CLCN2: variants seen among roughly 807,000 people sequenced by gnomAD.
CLCN2 encodes chloride voltage-gated channel 2, also known as chloride channel protein 2.
Under a neutral mutation model 108.3 loss-of-function variants are expected in CLCN2, and 72 were observed. The observed-to-expected ratio is 0.66, with a 90% CI of 0.55 to 0.81. The LOEUF (loss-of-function observed/expected upper bound fraction) is 0.81, where lower values mean the gene tolerates loss of function less well. CLCN2 is among the 30% of genes least tolerant of loss of function. The probability of loss-of-function intolerance (pLI) is 0.00; values close to 1 mark genes in which losing one functional copy is unlikely to be tolerated. For missense variants in CLCN2, 1,048 were observed against 1,205.2 expected, an observed-to-expected ratio of 0.87 and a Z score of 1.93; for synonymous variants, 471 against 467.1, an observed-to-expected ratio of 1.01 and a Z score of -0.11.
chr3:184,358,559 G>C, intron 3 of CLCN2, 123 bp downstream of exon 3: 1 of 1,362,188 alleles, frequency 7.3e-7, no homozygotes, highest in Non-Finnish European at 1.0e-6. Flanking sequence ...TGGGCAGTCA[G>C]ACTGGCTGGG....
chr3:184,359,076 C>T lies in CLCN2; in HGVS notation c.119G>A (p.Arg40Gln), dbSNP rs767116666. The T allele has an allele frequency of 5.6e-6, 9 of 1,613,704 alleles. No individual in the cohort carries two copies. Among genetic ancestry groups the T allele is most frequent in the South Asian group, 4.4e-5 (4 of 91,088 alleles). Residue 40 changes from arginine (R) to glutamine (Q), a missense_variant, in exon 2 of 24, where the codon CGG becomes CAG. Transcript: ENST00000265593. ...GGGTTCAGGCCCTCCCAGGCGAATC[C>T]GAGCAGCTTCCTCTTTGGCAAAGGC... The part of the protein sequence containing the change: ...LGAFAKEEAA[R>Q]IRLGGPEPWK...
Position 184,353,147 on chromosome 3 carries a change from C to T in CLCN2, c.2029G>A (p.Val677Met), listed in dbSNP as rs769413891. 1.2e-6 allele frequency: 2 copies of T among 1,614,158 alleles called. No individual in the cohort carries two copies. The highest frequency in any genetic ancestry group is 1.7e-6 in the Non-Finnish European group (2 of 1,179,982). The change falls in exon 18 of 24, where the codon GTG (valine) becomes ATG (methionine). Residue 677 changes from valine to methionine, a missense_variant and splice_region_variant. Physicochemically the swap from Val to Met is conservative, Grantham distance 21. Coordinates refer to ENST00000265593, the MANE Select transcript of CLCN2 (RefSeq NM_004366.6). Reference sequence around the variant, plus strand: ...GGGAAGGCTGAGTCTTCTGTGTTCACCTGCATAGGCAGGAAGGGGCTGGTG... The same window carrying T: ...GGGAAGGCTGAGTCTTCTGTGTTCATCTGCATAGGCAGGAAGGGGCTGGTG... ...PTPEASVCFQ[V>M]NTEDSAFPAA...
rs189219270 is a variant in CLCN2, at chr3:184,346,741, G to A, written c.2562C>T (p.Leu854=). 5.0e-6 allele frequency: 8 copies of A among 1,614,172 alleles called. No individual in the cohort carries two copies. In the East Asian group the frequency reaches 6.7e-5, roughly 13 times the overall value. The change falls in exon 24 of 24, where the codon CTC becomes CTT. Residue 854 remains leucine, a synonymous_variant. Transcript: ENST00000265593. The surrounding 1 kb of genome is among the most constrained non-coding windows in gnomAD (Gnocchi z 6.0). ...TAQGVKVRPP[L]ASFRDSATSS... is the part of the protein sequence containing the mutation. ...TGGTGGCACTGTCTCGGAAGCTGGC[G>A]AGGGGCGGCCGGACTTTCACACCCT...
At chr3:184,352,265 CAG>C (rs763027706) in intron 21 of CLCN2, 26 bp downstream of exon 21, 1 of 1,613,364 alleles carries the variant, frequency 6.2e-7, no homozygotes, top group South Asian at 1.1e-5. Flanking sequence ...CAGGAAGAAA[CAG>C]GGTCCAGAGT....
intron 21 of CLCN2, 22 bp downstream of exon 21, chr3:184,352,271 C>T: frequency 6.2e-7 from 1 of 1,613,372 alleles, no homozygotes; most frequent in Non-Finnish European, 8.5e-7. Context: ...GAAACAGGGT[C>T]CAGAGTCCAG....
At chr3:184,356,218 G>A in intron 10 of CLCN2, 1 of 261,598 alleles carries the variant, frequency 3.8e-6, no homozygotes, top group South Asian at 4.4e-5. Flanking sequence ...TTGACCAGAG[G>A]TGCGTAGGGA....
intron 22 of CLCN2, chr3:184,347,290 C>A: frequency 2.0e-6 from 1 of 511,414 alleles, no homozygotes. Flanking sequence ...TTCTTAGTCC[C>A]ATGTTAGAAA....
In CLCN2 at chr3:184,353,101, T is replaced by C. The variant is rs903019480; in HGVS notation, c.2075A>G (p.His692Arg). 6.2e-6 allele frequency: 10 copies of C among 1,614,000 alleles called. No individual in the cohort carries two copies. The Admixed American group carries it at 1.5e-4, about 24-fold the overall frequency. The change falls in exon 18 of 24, where the codon CAC (histidine) becomes CGC (arginine). Residue 692 changes from histidine (H) to arginine (R), a missense_variant. His to Arg is a conservative substitution (Grantham distance 29). Coordinates refer to ENST00000265593, the MANE Select transcript of CLCN2 (RefSeq NM_004366.6). Reference protein sequence around the residue: ...SAFPAARGETHKPLKPALKRG... With the variant: ...SAFPAARGETRKPLKPALKRG... The stretch of plus-strand genomic sequence containing the variant: ...CTTGAGTGCAGGCTTTAGGGGCTTG[T>C]GGGTCTCCCCCCGGGCTGCTGGGAA...
Position 184,354,092 on chromosome 3 carries a change from C to T in CLCN2, c.1721+9G>A. 6.2e-7 allele frequency: 1 copy of T among 1,611,072 alleles called. No homozygotes were observed. The highest frequency in any genetic ancestry group is 1.7e-5 in the Admixed American group (1 of 59,744). On this transcript the variant is annotated intron_variant, in intron 15 of 23. Transcript: ENST00000265593. ...ACCCACAGCCCCCTTGGCACCCAGC[C>T]CTCCGTACTGGTGGCGGCCCCAGCC...
In CLCN2 at chr3:184,358,702, G is replaced by A. The variant is rs1439459140; in HGVS notation, c.332C>T (p.Ala111Val). Residue 111 changes from alanine to valine, a missense_variant, in exon 3 of 24, where the codon GCC (alanine) becomes GTC (valine). Transcript: ENST00000265593. Reference sequence around the variant, plus strand: ...CTCACCTTGCAGACAGGCAGCAATGGCATAGTCCATGACCCAGCTGACCAA... The same window carrying A: ...CTCACCTTGCAGACAGGCAGCAATGACATAGTCCATGACCCAGCTGACCAA... ...MALVSWVMDY[A>V]IAACLQAQQW... The A allele has an allele frequency of 1.3e-6, 2 of 1,582,500 alleles. No homozygotes were observed. The highest frequency in any genetic ancestry group is 1.7e-6 in the Non-Finnish European group (2 of 1,162,906).
intron 22 of CLCN2, 42 bp downstream of exon 22, chr3:184,351,971 C>T: frequency 6.9e-7 from 1 of 1,441,750 alleles, no homozygotes; most frequent in South Asian, 1.1e-5. Context: ...CCACTGTGTC[C>T]TGAGAGCCTA....
intron 1 of CLCN2, 24 bp from the exon 2 acceptor site, chr3:184,359,155 G>A: frequency 1.2e-6 from 2 of 1,613,432 alleles, no homozygotes; most frequent in Non-Finnish European, 1.7e-6. Flanking sequence ...GGGGATGGGG[G>A]CATTCGAGGT....
At position 184,353,387 on chromosome 3, in the gene CLCN2, G is replaced by C; in HGVS notation, c.1891C>G (p.Gln631Glu). 1 of 1,612,582 alleles carries C rather than the reference G, an allele frequency of 6.2e-7. No homozygotes were observed. Among genetic ancestry groups the C allele is most frequent in the Non-Finnish European group, 8.5e-7 (1 of 1,179,662 alleles). The change falls in exon 17 of 24, where the codon CAG becomes GAG. Residue 631 changes from glutamine to glutamate, a missense_variant. By Grantham distance (29) the Gln-to-Glu change is conservative. Coordinates refer to ENST00000265593, the MANE Select transcript of CLCN2 (RefSeq NM_004366.6). ...TGGGCCCCCAACAATGCCACCACCT[G>C]TGAACGCTCGATGGAGCCCAGCAGA... ...MILLGSIERS[Q>E]VVALLGAQLS...
chr3:184,353,355 G>A lies in CLCN2; in HGVS notation c.1923C>T (p.Ser641=), dbSNP rs970902864. The A allele has an allele frequency of 3.7e-6, 6 of 1,612,824 alleles. No individual in the cohort carries two copies. The highest frequency in any genetic ancestry group is 2.7e-5 in the African/African-American group (2 of 74,932). The change falls in exon 17 of 24, where the codon AGC becomes AGT. Residue 641 remains serine (S), a synonymous_variant. Transcript: ENST00000265593. The part of the protein sequence containing the change: ...QVVALLGAQL[S]PARRRQHMQE... ...GCATGTGCTGCCGCCGGCGGGCTGG[G>A]CTCAGCTGGGCCCCCAACAATGCCA...
chr3:184,358,948 G>A, intron 2 of CLCN2, 27 bp downstream of exon 2: 1 of 1,613,450 alleles, frequency 6.2e-7, no homozygotes, highest in South Asian at 1.1e-5. Flanking sequence ...GCACAGCCAG[G>A]TCCCCTGCCC....
At position 184,355,930 on chromosome 3, in the gene CLCN2, C is replaced by T; in HGVS notation, c.1086-152G>A. Reference sequence around the variant, plus strand: ...CCTTTGCTGTTTATGATACGATAGCCCCAAGGCTGATGGTGGACTGGGGTT... The same window carrying T: ...CCTTTGCTGTTTATGATACGATAGCTCCAAGGCTGATGGTGGACTGGGGTT... On this transcript the variant is annotated intron_variant, in intron 10 of 23. Transcript: ENST00000265593. The surrounding 1 kb of genome is among the most constrained non-coding windows in gnomAD (Gnocchi z 6.3). 1.4e-6 allele frequency: 1 copy of T among 707,790 alleles called. No homozygotes were observed. The highest frequency in any genetic ancestry group is 2.5e-6 in the Non-Finnish European group (1 of 393,208). The allele number at this position is 707,790 out of a possible 1,614,324, so 43.8% of individuals were successfully genotyped here.
intron 22 of CLCN2, among the ~76,000 whole-genome samples, chr3:184,349,962 T>C (rs1039552295): frequency 5.9e-5 from 9 of 152,186 alleles, no homozygotes; most frequent in African/African-American, 1.2e-4. Context: ...CTCCAGTGTT[T>C]TCTCTCTCTT....
At position 184,346,991 on chromosome 3, in the gene CLCN2, C is replaced by T; in HGVS notation, c.2446G>A (p.Asp816Asn). 6.2e-7 allele frequency: 1 copy of T among 1,614,052 alleles called. No individual in the cohort carries two copies. Among genetic ancestry groups the T allele is most frequent in the Non-Finnish European group, 8.5e-7 (1 of 1,179,966 alleles). The change falls in exon 23 of 24, where the codon GAC (aspartate) becomes AAC (asparagine). Residue 816 changes from aspartate (D) to asparagine (N), a missense_variant. Asp to Asn is a conservative substitution (Grantham distance 23, BLOSUM62 1). Transcript: ENST00000265593. This position sits in a 1 kb window ranked among gnomAD's most constrained non-coding sequence, Gnocchi z 6.0. Reference sequence around the variant, plus strand: ...CCAATACTGGTGACATAAGCATGGTCCACTCCCAGCAGTGAGAAGATAGTG... The same window carrying T: ...CCAATACTGGTGACATAAGCATGGTTCACTCCCAGCAGTGAGAAGATAGTG... ...THTIFSLLGV[D>N]HAYVTSIGRL...
chr3:184,359,810 C>G lies in CLCN2; in HGVS notation c.64-679G>C, dbSNP rs1364791992. Among the ~76,000 whole-genome samples the G allele has an allele frequency of 3.3e-5, 5 of 152,112 alleles. No individual in the cohort carries two copies. The East Asian group carries it at 9.7e-4, about 29-fold the overall frequency. On this transcript the variant is annotated intron_variant, in intron 1 of 23. Coordinates refer to ENST00000265593, the MANE Select transcript of CLCN2 (RefSeq NM_004366.6). ...AGCCCAGCGGTGGGTTGGGGGACAG[C>G]GGAGGCTGAGGATGGCTGGGCTGTG...
Sources: gnomAD v4.1 joint callset for allele counts (sites outside exome capture counted in the v4.1 genomes callset) on GRCh38, gnomAD v4.1.1 for gene constraint, Gnocchi (gnomAD v3.1) non-coding constraint, MANE v1.5 for transcripts, NCBI Gene and HGNC (gene_info 2026-07-23, HGNC 2026-07-21) for gene names.